IRAG2: variants seen among roughly 807,000 people sequenced by gnomAD.
IRAG2 encodes the protein lymphoid restricted membrane protein.
Under a neutral mutation model 69.9 loss-of-function variants are expected in IRAG2, and 45 were observed. The observed-to-expected ratio is 0.64, with a 90% CI of 0.51 to 0.83. The LOEUF (loss-of-function observed/expected upper bound fraction) is 0.83. IRAG2 is among the 40% of genes least tolerant of loss of function. The pLI, the probability that IRAG2 is intolerant of heterozygous loss-of-function variation, is 0.00. For synonymous variants in IRAG2, 193 were observed against 202.4 expected, an observed-to-expected ratio of 0.95 and a Z score of 0.40; for missense variants, 520 against 587.0, an observed-to-expected ratio of 0.89 and a Z score of 1.18.
chr12:25,104,874 CATCT>C (rs72209856), intron 20 of IRAG2, among the ~76,000 whole-genome samples: 27,641 of 151,794 alleles, frequency 0.18, 2,646 homozygotes, highest in Middle Eastern at 0.25. Flanking sequence ...CATGTATGTA[CATCT>C]ATCTATCTTC....
chr12:25,006,099 A>G (rs859135), intron 2 of IRAG2, among the ~76,000 whole-genome samples: 18,401 of 152,288 alleles, frequency 0.12, 1,256 homozygotes, highest in Non-Finnish European at 0.16. Flanking sequence ...AAGAAGACAT[A>G]CATGCAGCCA....
intron 16 of IRAG2, among the ~76,000 whole-genome samples, chr12:25,045,050 C>G (rs1475097945): frequency 2.0e-5 from 3 of 152,034 alleles, no homozygotes; most frequent in Admixed American, 6.6e-5. Context: ...TGAAATCATA[C>G]TAATTATCTT....
chr12:25,069,542 T>A (rs1419980020), intron 6 of IRAG2, 111 bp downstream of exon 6: 3 of 954,150 alleles, frequency 3.1e-6, no homozygotes, highest in East Asian at 5.0e-5. Context: ...TTATGGATAT[T>A]CTTGTAGCAA....
intron 14 of IRAG2, among the ~76,000 whole-genome samples, chr12:25,092,426 A>C (rs1592073576): frequency 6.8e-6 from 1 of 146,466 alleles, no homozygotes; most frequent in African/African-American, 2.5e-5. Context: ...TTAACTGGGC[A>C]TAGTGGGACA....
At chr12:25,093,749 G>T in intron 14 of IRAG2, 1 of 155,932 alleles carries the variant, frequency 6.4e-6, no homozygotes, top group South Asian at 1.8e-4. Context: ...GCCAATTCTT[G>T]AGACGGCAGA....
chr12:25,038,164 C>G (rs1465893826), intron 16 of IRAG2: 4 of 398,472 alleles, frequency 1.0e-5, no homozygotes, highest in Middle Eastern at 6.3e-4. Context: ...TATAAGAAAT[C>G]CATGCTTTAT....
chr12:25,004,558 G>C, exon 1 of IRAG2: 3 of 1,231,968 alleles, frequency 2.4e-6, no homozygotes, highest in Non-Finnish European at 3.0e-6. Flanking sequence ...TCCTACGCCC[G>C]GCTCTCATTG....
At chr12:25,070,460 T>C (rs1301123995) in intron 6 of IRAG2, among the ~76,000 whole-genome samples, 2 of 152,248 alleles carry the variant, frequency 1.3e-5, no homozygotes, top group Non-Finnish European at 2.9e-5. Flanking sequence ...CATAGCATGA[T>C]ATCAGTACTT....
the IRAG2 span, among the ~76,000 whole-genome samples, chr12:24,999,102 T>C: frequency 2.6e-5 from 4 of 152,218 alleles, no homozygotes; most frequent in Non-Finnish European, 5.9e-5. Flanking sequence ...AATTATGTCA[T>C]GTTGTTTACA....
intron 10 of IRAG2, chr12:25,030,418 G>T: frequency 4.0e-6 from 4 of 998,118 alleles, no homozygotes; most frequent in Non-Finnish European, 5.1e-6. Flanking sequence ...ACGGAGTCTT[G>T]CTCTGTTGCC....
At chr12:25,034,243 G>T (rs558728070) in intron 13 of IRAG2, among the ~76,000 whole-genome samples, 13 of 152,284 alleles carry the variant, frequency 8.5e-5, no homozygotes, top group African/African-American at 2.9e-4. Flanking sequence ...TGATTCCCCA[G>T]CCTGGGATCC....
chr12:25,017,284 G>C (rs1371372481), exon 6 of IRAG2: 1 of 1,231,988 alleles, frequency 8.1e-7, no homozygotes, highest in Non-Finnish European at 1.0e-6. Flanking sequence ...TGCGCCTTCA[G>C]GTAAAAAGGT....
intron 6 of IRAG2, among the ~76,000 whole-genome samples, chr12:25,071,220 C>T (rs1946316187): frequency 6.6e-6 from 1 of 151,984 alleles, no homozygotes; most frequent in African/African-American, 2.4e-5. Flanking sequence ...GTGGCGGGCA[C>T]CTATACTCCC....
intron 10 of IRAG2, among the ~76,000 whole-genome samples, chr12:25,085,589 G>C (rs1468375624): frequency 6.6e-6 from 1 of 152,130 alleles, no homozygotes; most frequent in Non-Finnish European, 1.5e-5. Context: ...AGGATGAGGG[G>C]CATGGTAGGC....
intron 15 of IRAG2, among the ~76,000 whole-genome samples, chr12:25,037,129 C>G (rs142860671): frequency 2.2e-4 from 34 of 152,200 alleles, no homozygotes; most frequent in African/African-American, 7.9e-4. Context: ...CTATTCCCAG[C>G]TTTATTAGAA....
At position 25,107,874 on chromosome 12, in the gene IRAG2, T is replaced by C; in HGVS notation, c.1314T>C (p.Asn438=). ...TNLKSSIRKA[N]KALWLSIAFI... ...TCAAGTCCTCCATCAGAAAGGCTAA[T>C]AAGGCCCTCTGGCTCTCTATTGCAT... Residue 438 remains asparagine, a synonymous_variant, in exon 22 of 22, where the codon AAT becomes AAC. Transcript: ENST00000556887. 6.2e-7 allele frequency: 1 copy of C among 1,614,200 alleles called. No individual in the cohort carries two copies. Among genetic ancestry groups the C allele is most frequent in the South Asian group, 1.1e-5 (1 of 91,088 alleles).
intron 2 of IRAG2, among the ~76,000 whole-genome samples, chr12:25,062,059 T>C (rs1036990610): frequency 6.6e-6 from 1 of 152,220 alleles, no homozygotes; most frequent in African/African-American, 2.4e-5. Flanking sequence ...TTCTTTCTCA[T>C]ATTTGAATTA....
intron 16 of IRAG2, among the ~76,000 whole-genome samples, chr12:25,040,360 AGCTGGGCATGGT>A (rs1944738328): frequency 1.3e-5 from 2 of 152,124 alleles, no homozygotes; most frequent in Non-Finnish European, 2.9e-5. Context: ...ATTTTAAATG[AGCTGGGCATGGT>A]GATGCATGCC....
At chr12:25,018,391 A>G (rs1344968800) in intron 6 of IRAG2, among the ~76,000 whole-genome samples, 1 of 151,534 alleles carries the variant, frequency 6.6e-6, no homozygotes, top group Non-Finnish European at 1.5e-5. Flanking sequence ...GTTTTTGTAG[A>G]GACAAGGTCT....
Sources: allele counts gnomAD v4.1 joint callset (sites outside exome capture counted in the v4.1 genomes callset), GRCh38; gene constraint gnomAD v4.1.1; transcripts MANE v1.5; gene names NCBI Gene and HGNC (gene_info 2026-07-23, HGNC 2026-07-21).